ZNF142: variants seen among roughly 807,000 people sequenced by gnomAD.
ZNF142 encodes the protein zinc finger protein 142.
Under a neutral mutation model 132.1 loss-of-function variants are expected in ZNF142, and 96 were observed. The observed-to-expected ratio is 0.73, with a 90% CI of 0.62 to 0.86. The LOEUF is 0.86. ZNF142 is among the 40% of genes least tolerant of loss of function. The pLI, the probability that ZNF142 is intolerant of heterozygous loss-of-function variation, is 0.00. For missense variants in ZNF142, 2,163 were observed against 2,336.2 expected (o/e 0.93, Z 1.53); for synonymous variants, 842 against 890.1 (o/e 0.95, Z 0.96).
Position 218,636,828 on chromosome 2 carries a change from A to C in ZNF142, c.*1511T>G, listed in dbSNP as rs956759686. The C allele has an allele frequency of 1.8e-6, 1 of 570,202 alleles. No homozygotes were observed. The highest frequency in any genetic ancestry group is 1.5e-5 in the South Asian group (1 of 65,466). 35.3% of individuals were successfully genotyped at this position (570,202 alleles called of 1,614,324 possible). ...CCTGCCCTTTTCCTTTGTGTACTCTATACTGGAGTTCCCTTCTTCCTCTTG... is the reference window on the plus strand; with the variant it reads ...CCTGCCCTTTTCCTTTGTGTACTCTCTACTGGAGTTCCCTTCTTCCTCTTG... On this transcript the variant is annotated 3_prime_UTR_variant, in exon 11 of 11. Coordinates refer to ENST00000411696, the MANE Select transcript of ZNF142 (RefSeq NM_001379659.1).
At chr2:218,651,546 C>T (rs1290942218) in intron 5 of ZNF142, among the ~76,000 whole-genome samples, 155 bp downstream of exon 5, 1 of 152,254 alleles carries the variant, frequency 6.6e-6, no homozygotes. Context: ...TTCAAGATGC[C>T]TTCCCATGTC....
chr2:218,633,857 G>A lies in ZNF142; in HGVS notation c.*4482C>T. 1 of 1,441,532 alleles carries A rather than the reference G, an allele frequency of 6.9e-7. No homozygotes were observed. The allele number at this position is 1,441,532 out of a possible 1,614,324, so 89.3% of individuals were successfully genotyped here. ...AAGTCCCAAGAAAAAAGACAAGGTA[G>A]CTAAGGAGAGATGAAGGAGTTCAGA... On this transcript the variant is annotated 3_prime_UTR_variant, in exon 11 of 11. Transcript: ENST00000411696.
At chr2:218,646,415 T>C in intron 7 of ZNF142, 67 bp from the exon 8 acceptor site, 1 of 1,564,014 alleles carries the variant, frequency 6.4e-7, no homozygotes, top group South Asian at 1.2e-5. Context: ...GACAGACCAT[T>C]TCTTCCAGCA....
Position 218,642,989 on chromosome 2 carries a change from C to G in ZNF142, c.4127G>C (p.Cys1376Ser), listed in dbSNP as rs1465933416. The change falls in exon 9 of 11, where the codon TGT (cysteine) becomes TCT (serine). Residue 1376 changes from cysteine to serine, a missense_variant. Cys to Ser is a moderately radical substitution (Grantham distance 112). Around this residue, in one of 7 missense-constraint regions of ZNF142, gnomAD observed 809 missense variants for 801.7 expected, o/e 1.01. Coordinates refer to ENST00000411696, the MANE Select transcript of ZNF142 (RefSeq NM_001379659.1). This position sits in a 1 kb window ranked among gnomAD's most constrained non-coding sequence, Gnocchi z 4.6. ...ACGGCTCTGTTTACAGGTGAAGCCA[C>G]AGTCCCCACACTGTAGATGGGGCCG... ...GPRPHLQCGD[C>S]GFTCKQSRCM... 8.7e-6 allele frequency: 14 copies of G among 1,612,474 alleles called. No individual in the cohort carries two copies. The highest frequency in any genetic ancestry group is 1.2e-5 in the Non-Finnish European group (14 of 1,179,348).
At chr2:218,645,158 C>A in intron 8 of ZNF142, 94 bp from the exon 9 acceptor site, 1 of 1,481,500 alleles carries the variant, frequency 6.7e-7, no homozygotes, top group Non-Finnish European at 9.1e-7. Flanking sequence ...AGGCTCTGCA[C>A]TCAGTATCAT....
At chr2:218,645,667 G>A (rs922749067) in intron 8 of ZNF142, among the ~76,000 whole-genome samples, 4 of 152,150 alleles carry the variant, frequency 2.6e-5, no homozygotes, top group Non-Finnish European at 4.4e-5. Flanking sequence ...GAGAGTGCTC[G>A]CTATGTGACT....
chr2:218,656,345 G>T lies in ZNF142; in HGVS notation c.85C>A (p.Pro29Thr). ...AGGATTCCACGGTTAGAGAGAGGCGGGGGGATCAGCAATAGCTCAGGGCAC... is the reference window on the plus strand; with the variant it reads ...AGGATTCCACGGTTAGAGAGAGGCGTGGGGATCAGCAATAGCTCAGGGCAC... ...GLCPELLLIPPPLSNRGILGP... is the reference protein window; with the variant it reads ...GLCPELLLIPTPLSNRGILGP... Residue 29 changes from proline to threonine, a missense_variant, in exon 4 of 11, where the codon CCG becomes ACG. By Grantham distance (38) the Pro-to-Thr change is conservative (BLOSUM62 -1). Around this residue, in one of 7 missense-constraint regions of ZNF142, gnomAD observed 195 missense variants for 172.4 expected, o/e 1.13. Coordinates refer to ENST00000411696, the MANE Select transcript of ZNF142 (RefSeq NM_001379659.1). 1 of 1,586,228 alleles carries T rather than the reference G, an allele frequency of 6.3e-7. No individual in the cohort carries two copies. The highest frequency in any genetic ancestry group is 1.2e-5 in the South Asian group (1 of 86,428).
Position 218,636,420 on chromosome 2 carries a change from A to G in ZNF142, c.*1919T>C. 6.2e-7 allele frequency: 1 copy of G among 1,613,666 alleles called. No homozygotes were observed. The highest frequency in any genetic ancestry group is 1.1e-5 in the South Asian group (1 of 91,076). Reference sequence around the variant, plus strand: ...GAGCCAGCCCCTTTGGCCCCTGGCCAATACCCCAGCTCTGGCTGCCTTCCT... The same window carrying G: ...GAGCCAGCCCCTTTGGCCCCTGGCCGATACCCCAGCTCTGGCTGCCTTCCT... On this transcript the variant is annotated 3_prime_UTR_variant, in exon 11 of 11. Transcript: ENST00000411696.
chr2:218,643,223 T>G lies in ZNF142; in HGVS notation c.3893A>C (p.Lys1298Thr), dbSNP rs1697397454. 1.9e-6 allele frequency: 3 copies of G among 1,614,216 alleles called. No homozygotes were observed. Among genetic ancestry groups the G allele is most frequent in the Non-Finnish European group, 2.5e-6 (3 of 1,180,030 alleles). The change falls in exon 9 of 11, where the codon AAG (lysine) becomes ACG (threonine). Residue 1298 changes from lysine to threonine, a missense_variant. Coordinates refer to ENST00000411696, the MANE Select transcript of ZNF142 (RefSeq NM_001379659.1). ...GCAGGAGAAGCGAGCCCCCTTCTGC[T>G]TTTGAACCAGAACTGTATCCCCATC... is the stretch of plus-strand genomic sequence containing the variant. ...SGDGDTVLVQ[K>T]QKGARFSCPT...
At position 218,642,023 on chromosome 2, in the gene ZNF142, ATTACC is replaced by A; in HGVS notation, c.5088_5088+4del. The A allele has an allele frequency of 6.2e-7, 1 of 1,612,114 alleles. No homozygotes were observed. The highest frequency in any genetic ancestry group is 8.5e-7 in the Non-Finnish European group (1 of 1,178,566). ...CACTTCCTGCCCCATATCCTCTGAC[ATTACC>A]TTGAGACGAGAGGGATCAGCACAGG... is the stretch of plus-strand genomic sequence containing the variant. On this transcript the variant is annotated splice_donor_variant and splice_donor_region_variant and coding_sequence_variant and intron_variant, in exon 9 of 11. Coordinates refer to ENST00000411696, the MANE Select transcript of ZNF142 (RefSeq NM_001379659.1). LOFTEE classifies it high-confidence loss of function. This position sits in a 1 kb window ranked among gnomAD's most constrained non-coding sequence, Gnocchi z 4.6.
Position 218,633,356 on chromosome 2 carries a change from G to A in ZNF142, c.*4983C>T. On this transcript the variant is annotated 3_prime_UTR_variant, in exon 11 of 11. Coordinates refer to ENST00000411696, the MANE Select transcript of ZNF142 (RefSeq NM_001379659.1). ...GACACTGATCCCAGCAGTACATGCA[G>A]ACCGCCTTTATTCCCATTCCCACCC... is the stretch of plus-strand genomic sequence containing the variant. 1 of 703,466 alleles carries A rather than the reference G, an allele frequency of 1.4e-6. No individual in the cohort carries two copies. The highest frequency in any genetic ancestry group is 2.7e-5 in the East Asian group (1 of 37,284). The allele number at this position is 703,466 out of a possible 1,614,324, so 43.6% of individuals were successfully genotyped here. A position where few individuals can be genotyped will look rare whatever the true frequency, so the allele number is the denominator to read the frequency against.
Position 218,648,837 on chromosome 2 carries a change from T to C in ZNF142, c.1671A>G (p.Leu557=), listed in dbSNP as rs1438711608. The C allele has an allele frequency of 6.2e-7, 1 of 1,614,236 alleles. No individual in the cohort carries two copies. Among genetic ancestry groups the C allele is most frequent in the Non-Finnish European group, 8.5e-7 (1 of 1,180,044 alleles). ...HCDFACSNKH[L]FRKHKKQGHP... ...GGCCCTGCTTCTTGTGTTTACGGAA[T>C]AGGTGCTTATTGGAACAAGCAAAAT... is the stretch of plus-strand genomic sequence containing the variant. The change falls in exon 7 of 11, where the codon CTA becomes CTG. Residue 557 remains leucine (L), a synonymous_variant. Transcript: ENST00000411696.
chr2:218,650,007 GA>G (rs1202966944), intron 6 of ZNF142, among the ~76,000 whole-genome samples: 1 of 152,140 alleles, frequency 6.6e-6, no homozygotes, highest in Non-Finnish European at 1.5e-5. Context: ...CAAAGATTCA[GA>G]AAAAAGTATT....
Position 218,644,964 on chromosome 2 carries a change from C to T in ZNF142, c.2152G>A (p.Ala718Thr), listed in dbSNP as rs765746704. ...TCATACTTCCGCTTGCAGGCGAAGG[C>T]ACACACCTCACACATCAGAGACTTG... is the stretch of plus-strand genomic sequence containing the variant. ...QGKSLMCEVC[A>T]FACKRKYELQ... The change falls in exon 9 of 11, where the codon GCC (alanine) becomes ACC (threonine). Residue 718 changes from alanine to threonine, a missense_variant. Around this residue, in one of 7 missense-constraint regions of ZNF142, gnomAD observed 749 missense variants for 830.3 expected, o/e 0.90. Coordinates refer to ENST00000411696, the MANE Select transcript of ZNF142 (RefSeq NM_001379659.1). This position sits in a 1 kb window ranked among gnomAD's most constrained non-coding sequence, Gnocchi z 4.6. 1 of 1,614,152 alleles carries T rather than the reference C, an allele frequency of 6.2e-7. No homozygotes were observed.
rs1696655259 is a variant in ZNF142, at chr2:218,635,247, A to G, written c.*3092T>C. 6.6e-6 allele frequency among the ~76,000 whole-genome samples: 1 copy of G among 152,036 alleles called. No homozygotes were observed. Among genetic ancestry groups the G allele is most frequent in the African/African-American group, 2.4e-5 (1 of 41,392 alleles). ...TGCCCCACTGCATTCCAGCTTGGTC[A>G]AGAGTATGATCGTGTCTCTTTGAAA... On this transcript the variant is annotated 3_prime_UTR_variant, in exon 11 of 11. Coordinates refer to ENST00000411696, the MANE Select transcript of ZNF142 (RefSeq NM_001379659.1).
chr2:218,638,371 G>A lies in ZNF142; in HGVS notation c.5632C>T (p.Pro1878Ser). 3 of 1,526,184 alleles carry A rather than the reference G, an allele frequency of 2.0e-6. No individual in the cohort carries two copies. The highest frequency in any genetic ancestry group is 2.6e-6 in the Non-Finnish European group (3 of 1,135,262). The allele number at this position is 1,526,184 out of a possible 1,614,324, so 94.5% of individuals were successfully genotyped here. The change falls in exon 11 of 11, where the codon CCT becomes TCT. Residue 1878 changes from proline (P) to serine (S), a missense_variant. Coordinates refer to ENST00000411696, the MANE Select transcript of ZNF142 (RefSeq NM_001379659.1). ...VQLEDPSPPAPAAPHTGPEG is the reference protein window; with the variant it reads ...VQLEDPSPPASAAPHTGPEG ...TCAGGTCCAGTGTGGGGAGCGGCAG[G>A]AGCAGGAGGGCTGGGATCCTCCAGC...
rs1426960832 is a variant in ZNF142 at position 218,638,170 on chromosome 2, T to A, written c.*169A>T. 1 of 518,838 alleles carries A rather than the reference T, an allele frequency of 1.9e-6. No homozygotes were observed. Among genetic ancestry groups the A allele is most frequent in the East Asian group, 3.4e-5 (1 of 29,244 alleles). The allele number at this position is 518,838 out of a possible 1,614,324, so 32.1% of individuals were successfully genotyped here. A position where few individuals can be genotyped will look rare whatever the true frequency, so the allele number is the denominator to read the frequency against. On this transcript the variant is annotated 3_prime_UTR_variant, in exon 11 of 11. Coordinates refer to ENST00000411696, the MANE Select transcript of ZNF142 (RefSeq NM_001379659.1). Reference sequence around the variant, plus strand: ...TTATAGTCCATGTCCCTCTTTTATATGGGTGATAATTTCAAAGTACTATAG... The same window carrying A: ...TTATAGTCCATGTCCCTCTTTTATAAGGGTGATAATTTCAAAGTACTATAG...
In ZNF142 at chr2:218,636,807, C is replaced by A; in HGVS notation, c.*1532G>T. 4 of 609,820 alleles carry A rather than the reference C, an allele frequency of 6.6e-6. No homozygotes were observed. The highest frequency in any genetic ancestry group is 1.2e-5 in the Non-Finnish European group (4 of 332,360). The allele number at this position is 609,820 out of a possible 1,614,324, so 37.8% of individuals were successfully genotyped here. ...TCATAAGCCTTTGGTATCTTTCCTG[C>A]CCTTTTCCTTTGTGTACTCTATACT... On this transcript the variant is annotated 3_prime_UTR_variant, in exon 11 of 11. Transcript: ENST00000411696.
Position 218,643,914 on chromosome 2 carries a change from A to G in ZNF142, c.3202T>C (p.Cys1068Arg), listed in dbSNP as rs1343205085. The G allele has an allele frequency of 1.2e-6, 2 of 1,614,132 alleles. No individual in the cohort carries two copies. Among genetic ancestry groups the G allele is most frequent in the Non-Finnish European group, 1.7e-6 (2 of 1,180,010 alleles). ...GCQGRREPLL[C>R]PECGASFKQQ... The stretch of plus-strand genomic sequence containing the variant: ...TTGAAGCTAGCCCCACACTCGGGGC[A>G]CAGCAGGGGCTCTCGGCGGCCTTGG... Residue 1068 changes from cysteine (C) to arginine (R), a missense_variant, in exon 9 of 11, where the codon TGC becomes CGC. By Grantham distance (180) the Cys-to-Arg change is radical. Coordinates refer to ENST00000411696, the MANE Select transcript of ZNF142 (RefSeq NM_001379659.1).
Sources: gnomAD v4.1 joint callset for allele counts (sites outside exome capture counted in the v4.1 genomes callset) on GRCh38, gnomAD v4.1.1 for gene constraint, gnomAD v4.1.1 regional missense constraint, Gnocchi (gnomAD v3.1) non-coding constraint, MANE v1.5 for transcripts, NCBI Gene and HGNC (gene_info 2026-07-23, HGNC 2026-07-21) for gene names.